Variants in ARHGEF38 observed in about 807,000 individuals in gnomAD.
ARHGEF38 encodes Rho guanine nucleotide exchange factor (GEF) 38.
ARHGEF38 carries 79 observed loss-of-function variants against 79.9 expected under a neutral mutation model. The observed-to-expected ratio is 0.99, with a 90% CI of 0.82 to 1.19. The LOEUF is 1.19. Ranked by LOEUF, ARHGEF38 falls within the 50% of genes most tolerant of loss-of-function variation. The pLI is 0.00. For synonymous variants in ARHGEF38, 366 were observed against 328.3 expected (o/e 1.11, Z -1.24); for missense variants, 962 against 907.2 (o/e 1.06, Z -0.78).
rs182798635 is a variant in ARHGEF38 at position 105,622,732 on chromosome 4, C to T, written c.509-8166C>T. On this transcript the variant is annotated intron_variant, in intron 3 of 13. Transcript: ENST00000420470. ...GATATCATCCCTTAGATGGCTACTC[C>T]ATTTCCAGGCATCACTTCCTAAAGA... 4.6e-5 allele frequency among the ~76,000 whole-genome samples: 7 copies of T among 152,328 alleles called. No homozygotes were observed. The East Asian group carries it at 1.4e-3, about 29-fold the overall frequency.
rs77383135 is a variant in ARHGEF38, at chr4:105,646,122, C to A, written c.874+735C>A. On this transcript the variant is annotated intron_variant, in intron 6 of 13. Coordinates refer to ENST00000420470, the MANE Select transcript of ARHGEF38 (RefSeq NM_001242729.2). ...TCTCAGTTTGACATTAAAGCCACAG[C>A]AGGACTTTAGAGCTAAATGGTCTAA... Among the ~76,000 whole-genome samples the A allele has an allele frequency of 8.4e-3, 1,278 of 152,178 alleles. 19 individuals are homozygous for A. The highest frequency in any genetic ancestry group is 0.03 in the African/African-American group (1,229 of 41,512).
chr4:105,659,727 T>G (rs1158669854), intron 10 of ARHGEF38, among the ~76,000 whole-genome samples: 2 of 152,188 alleles, frequency 1.3e-5, no homozygotes, highest in African/African-American at 4.8e-5. Flanking sequence ...AGATGTTAAC[T>G]GTGACTATTT....
intron 2 of ARHGEF38, among the ~76,000 whole-genome samples, chr4:105,612,555 T>G (rs1209259631): frequency 6.6e-6 from 1 of 152,146 alleles, no homozygotes; most frequent in East Asian, 1.9e-4. Context: ...GACCAGTCAC[T>G]ATATGATTAT....
intron 13 of ARHGEF38, among the ~76,000 whole-genome samples, chr4:105,676,245 T>C (rs1731112169): frequency 1.3e-5 from 2 of 152,340 alleles, no homozygotes; most frequent in South Asian, 4.1e-4. Flanking sequence ...TCTTTTCCTA[T>C]ATGTTGTTTT....
intron 3 of ARHGEF38, among the ~76,000 whole-genome samples, chr4:105,616,789 A>T (rs916699466): frequency 1.3e-5 from 2 of 152,210 alleles, no homozygotes; most frequent in African/African-American, 4.8e-5. Flanking sequence ...AAATATGCTG[A>T]AGCAGCGGCA....
At chr4:105,681,548 T>A (rs12506118), downstream of ARHGEF38, among the ~76,000 whole-genome samples, 1 of 152,210 alleles carries the variant, frequency 6.6e-6, no homozygotes, top group African/African-American at 2.4e-5. Flanking sequence ...TGCAGAGGGC[T>A]TCCTATCTTC....
intron 2 of ARHGEF38, among the ~76,000 whole-genome samples, chr4:105,611,518 A>T (rs1480826735): frequency 6.6e-6 from 1 of 152,026 alleles, no homozygotes; most frequent in East Asian, 1.9e-4. Flanking sequence ...ATAATAATGA[A>T]GTATTATTAA....
At chr4:105,647,247 T>C (rs933674649) in intron 6 of ARHGEF38, among the ~76,000 whole-genome samples, 1 of 152,172 alleles carries the variant, frequency 6.6e-6, no homozygotes, top group Non-Finnish European at 1.5e-5. Context: ...TCAGACGTAC[T>C]CTGTCTTCTT....
chr4:105,623,901 C>T (rs1171815509), intron 3 of ARHGEF38, among the ~76,000 whole-genome samples: 2 of 152,190 alleles, frequency 1.3e-5, no homozygotes, highest in Non-Finnish European at 2.9e-5. Flanking sequence ...AGCCACCTCC[C>T]ATGGCCAGAT....
chr4:105,646,185 T>A (rs983840212), intron 6 of ARHGEF38, among the ~76,000 whole-genome samples: 1 of 152,186 alleles, frequency 6.6e-6, no homozygotes, highest in African/African-American at 2.4e-5. Flanking sequence ...CTGATGTTTA[T>A]TTCAAAAGTC....
chr4:105,648,326 C>T (rs1729941780), intron 6 of ARHGEF38, among the ~76,000 whole-genome samples: 1 of 151,886 alleles, frequency 6.6e-6, no homozygotes, highest in Non-Finnish European at 1.5e-5. Context: ...CAAACTTAAT[C>T]CTTGAGGGGC....
At chr4:105,676,635 T>G (rs578204468) in intron 13 of ARHGEF38, among the ~76,000 whole-genome samples, 2 of 152,338 alleles carry the variant, frequency 1.3e-5, no homozygotes, top group Non-Finnish European at 2.9e-5. Flanking sequence ...AGACTTATTT[T>G]GGGGCTTCTT....
At position 105,645,364 on chromosome 4, in the gene ARHGEF38, A is replaced by C; in HGVS notation, c.851A>C (p.Glu284Ala). The change falls in exon 6 of 14, where the codon GAA becomes GCA. Residue 284 changes from glutamate (E) to alanine (A), a missense_variant. Glu to Ala is a moderately radical substitution (Grantham distance 107, BLOSUM62 -1). Transcript: ENST00000420470. ...AAGGACATTAATGTTAACATCAATG[A>C]ACTTAAAAGAAGGAAAGATTTAGGT... ...AVKDINVNIN[E>A]LKRRKDLVLK... is the part of the protein sequence containing the mutation. 3.3e-6 allele frequency: 5 copies of C among 1,525,452 alleles called. No homozygotes were observed. The highest frequency in any genetic ancestry group is 4.4e-6 in the Non-Finnish European group (5 of 1,143,506). 94.5% of individuals were successfully genotyped at this position (1,525,452 alleles called of 1,614,324 possible).
At chr4:105,635,660 A>G (rs911255449) in intron 4 of ARHGEF38, among the ~76,000 whole-genome samples, 1 of 152,094 alleles carries the variant, frequency 6.6e-6, no homozygotes, top group Non-Finnish European at 1.5e-5. Context: ...TTAGAAGAGG[A>G]AAGAAGGAAG....
At chr4:105,599,055 T>C (rs1475953357) in intron 2 of ARHGEF38, among the ~76,000 whole-genome samples, 1 of 152,156 alleles carries the variant, frequency 6.6e-6, no homozygotes, top group Non-Finnish European at 1.5e-5. Context: ...GGAAAACACA[T>C]AGTTTGCTGT....
intron 2 of ARHGEF38, among the ~76,000 whole-genome samples, chr4:105,590,021 G>A: frequency 6.9e-6 from 1 of 145,014 alleles, no homozygotes. Flanking sequence ...CTGGGCAACA[G>A]AGTGAGACTC....
intron 13 of ARHGEF38, among the ~76,000 whole-genome samples, chr4:105,672,464 A>G (rs1387278150): frequency 1.3e-5 from 2 of 152,176 alleles, no homozygotes; most frequent in Non-Finnish European, 2.9e-5. Context: ...CTTAATTTTT[A>G]AGTTCTTCAT....
chr4:105,616,156 T>C (rs1305860865), intron 3 of ARHGEF38, among the ~76,000 whole-genome samples: 1 of 152,208 alleles, frequency 6.6e-6, no homozygotes, highest in African/African-American at 2.4e-5. Flanking sequence ...CTTGCTATGG[T>C]AATTTGGTTA....
intron 9 of ARHGEF38, among the ~76,000 whole-genome samples, chr4:105,656,253 A>T (rs959299616): frequency 2.0e-5 from 3 of 151,862 alleles, no homozygotes; most frequent in African/African-American, 7.3e-5. Context: ...GCGGGGTTTC[A>T]CCATGTTGCC....
Sources: allele counts gnomAD v4.1 joint callset (sites outside exome capture counted in the v4.1 genomes callset), GRCh38; gene constraint gnomAD v4.1.1; transcripts MANE v1.5; gene names NCBI Gene and HGNC (gene_info 2026-07-23, HGNC 2026-07-21).